AFG1L: variants seen among roughly 807,000 people sequenced by gnomAD.
AFG1L encodes AFG1-like ATPase.
In AFG1L, 53 loss-of-function variants were observed where a neutral mutation model predicts 62.2. The ratio of observed to expected loss-of-function variants is 0.85; its 90% CI spans 0.68 to 1.07. The LOEUF (loss-of-function observed/expected upper bound fraction) is 1.07. Among genes scored for constraint, AFG1L ranks in the 50% least tolerant of loss-of-function variants. The pLI, the probability that AFG1L is intolerant of heterozygous loss-of-function variation, is 0.00. For missense variants in AFG1L, 555 were observed against 590.5 expected (o/e 0.94, Z 0.62); for synonymous variants, 228 against 210.3 (o/e 1.08, Z -0.73).
At chr6:108,467,634 C>T (rs1205202109) in intron 8 of AFG1L, among the ~76,000 whole-genome samples, 2 of 152,166 alleles carry the variant, frequency 1.3e-5, no homozygotes, top group Non-Finnish European at 2.9e-5. Context: ...GTAGAGATCA[C>T]TTTTACATAT....
intron 3 of AFG1L, among the ~76,000 whole-genome samples, chr6:108,352,844 G>A (rs1217040629): frequency 6.6e-6 from 1 of 152,010 alleles, no homozygotes; most frequent in East Asian, 1.9e-4. Flanking sequence ...GGGATTATAG[G>A]TGTGAGCCAC....
chr6:108,397,445 C>A (rs546055226), intron 6 of AFG1L, among the ~76,000 whole-genome samples: 1 of 151,568 alleles, frequency 6.6e-6, no homozygotes, highest in African/African-American at 2.4e-5. Flanking sequence ...TTAGTAGAGA[C>A]GGGATTTCAC....
At chr6:108,320,280 C>G (rs1222738483) in intron 1 of AFG1L, among the ~76,000 whole-genome samples, 1 of 152,132 alleles carries the variant, frequency 6.6e-6, no homozygotes, top group African/African-American at 2.4e-5. Context: ...AGTGGGACAT[C>G]TTGAAGGGAG....
chr6:108,519,833 C>G (rs1562210143), intron 12 of AFG1L, 23 bp downstream of exon 12: 1 of 1,443,266 alleles, frequency 6.9e-7, no homozygotes, highest in Non-Finnish European at 9.6e-7. Flanking sequence ...AACATAATCT[C>G]TTTTTATTAT....
rs139715980 is a variant in AFG1L at position 108,372,182 on chromosome 6, CAT to C, written c.748+5852_748+5853del. On this transcript the variant is annotated intron_variant, in intron 6 of 12. Transcript: ENST00000368977. The stretch of plus-strand genomic sequence containing the variant: ...TTCATTTATTTCAAATATGTGATGA[CAT>C]AACTATAAAATTAACATTTGGTTAT... Among the ~76,000 whole-genome samples the C allele has an allele frequency of 9.8e-3, 1,486 of 151,498 alleles. 18 individuals carry two copies. The highest frequency in any genetic ancestry group is 0.033 in the African/African-American group (1,378 of 41,334).
intron 6 of AFG1L, among the ~76,000 whole-genome samples, chr6:108,384,704 AAAT>A (rs1780689828): frequency 6.6e-6 from 1 of 152,194 alleles, no homozygotes; most frequent in Non-Finnish European, 1.5e-5. Context: ...GAGGTAAAGA[AAAT>A]ATGTTCAGAA....
Position 108,402,051 on chromosome 6 carries a change from G to T in AFG1L, c.804G>T (p.Leu268Phe). Residue 268 changes from leucine (L) to phenylalanine (F), a missense_variant, in exon 7 of 13, where the codon TTG becomes TTT. Coordinates refer to ENST00000368977, the MANE Select transcript of AFG1L (RefSeq NM_145315.5). Reference sequence around the variant, plus strand: ...ACTTTGTACCATTCATAGCAGTCTTGAAGGTAAAAACAAATCATTTATTTG... The same window carrying T: ...ACTTTGTACCATTCATAGCAGTCTTTAAGGTAAAAACAAATCATTTATTTG... ...RANFVPFIAV[L>F]KEYCNTVQLD... 1 of 1,483,148 alleles carries T rather than the reference G, an allele frequency of 6.7e-7. No homozygotes were observed. Among genetic ancestry groups the T allele is most frequent in the Non-Finnish European group, 9.1e-7 (1 of 1,101,436 alleles). The allele number at this position is 1,483,148 out of a possible 1,614,324, so 91.9% of individuals were successfully genotyped here.
rs1260406764 is a variant in AFG1L, at chr6:108,510,330, T to C, written c.1181T>C (p.Ile394Thr). Residue 394 changes from isoleucine to threonine, a missense_variant, in exon 11 of 13, where the codon ATC becomes ACC. Physicochemically the swap from Ile to Thr is moderately conservative, Grantham distance 89. Transcript: ENST00000368977. ...RTQGRRFITL[I>T]DNFYDLKVRI... ...CAAGGTCGAAGATTCATAACTCTCA[T>C]CGATAACTTTTATGATCTCAAGGTA... is the stretch of plus-strand genomic sequence containing the variant. 1 of 1,610,772 alleles carries C rather than the reference T, an allele frequency of 6.2e-7. No individual in the cohort carries two copies. The highest frequency in any genetic ancestry group is 8.5e-7 in the Non-Finnish European group (1 of 1,178,994).
rs116292749 is a variant in AFG1L, at chr6:108,323,160, C to A, written c.140-665C>A. Among the ~76,000 whole-genome samples, 571 of 152,186 alleles carry A rather than the reference C, an allele frequency of 3.8e-3. 6 individuals carry two copies. Among genetic ancestry groups the A allele is most frequent in the African/African-American group, 0.013 (548 of 41,522 alleles). The stretch of plus-strand genomic sequence containing the variant: ...CGTCTTTGTCTTGGTGCTTAAGAAC[C>A]AGAATTAGGGTTTACTCAAAGAAAG... On this transcript the variant is annotated intron_variant, in intron 1 of 12. Coordinates refer to ENST00000368977, the MANE Select transcript of AFG1L (RefSeq NM_145315.5).
rs1256157691 is a variant in AFG1L at position 108,525,888 on chromosome 6, G to A, written c.*3463G>A. ...CTGCTTTATCTGAGATTAAAAACATGCAGAAGGATTGGGCGCCTGGGTCCC... is the reference window on the plus strand; with the variant it reads ...CTGCTTTATCTGAGATTAAAAACATACAGAAGGATTGGGCGCCTGGGTCCC... On this transcript the variant is annotated 3_prime_UTR_variant, in exon 13 of 13. Transcript: ENST00000368977. 6.6e-6 allele frequency: 1 copy of A among 152,200 alleles called. No homozygotes were observed. Among genetic ancestry groups the A allele is most frequent in the Non-Finnish European group, 1.5e-5 (1 of 68,028 alleles). 9.4% of individuals were successfully genotyped at this position (152,200 alleles called of 1,614,324 possible).
intron 6 of AFG1L, among the ~76,000 whole-genome samples, chr6:108,395,693 G>A (rs1272735161): frequency 6.6e-6 from 1 of 150,670 alleles, no homozygotes; most frequent in African/African-American, 2.4e-5. Context: ...GTGAGCCAGC[G>A]TGCTAGGTCT....
At chr6:108,395,770 G>A (rs1456715462) in intron 6 of AFG1L, among the ~76,000 whole-genome samples, 2 of 148,514 alleles carry the variant, frequency 1.3e-5, no homozygotes, top group Non-Finnish European at 3.0e-5. Flanking sequence ...TTGAGGGAGG[G>A]AGGGAGATAG....
chr6:108,330,903 G>A (rs539186907), intron 2 of AFG1L, among the ~76,000 whole-genome samples: 247 of 152,268 alleles, frequency 1.6e-3, no homozygotes, highest in African/African-American at 4.9e-3. Flanking sequence ...CAGATATTCT[G>A]TTATAAGCGA....
chr6:108,507,029 GA>G (rs1303966540), intron 10 of AFG1L, among the ~76,000 whole-genome samples: 14 of 151,866 alleles, frequency 9.2e-5, no homozygotes, highest in African/African-American at 2.2e-4. Context: ...TTTTTGGGGG[GA>G]AAAAACTTCC....
rs919690969 is a variant in AFG1L, at chr6:108,378,989, T to TTC, written c.748+12660_748+12661dup. On this transcript the variant is annotated intron_variant, in intron 6 of 12. Coordinates refer to ENST00000368977, the MANE Select transcript of AFG1L (RefSeq NM_145315.5). ...TATGCTGCTGCTGCTGCTCTTCTCC[T>TTC]TCTCCTTCTTCTTTTTTTTTTTTTT... Among the ~76,000 whole-genome samples the TTC allele has an allele frequency of 7.8e-4, 116 of 149,480 alleles. 1 individual carries two copies. Among genetic ancestry groups the TTC allele is most frequent in the African/African-American group, 2.8e-3 (112 of 40,562 alleles).
chr6:108,385,668 G>A (rs775299314), intron 6 of AFG1L, among the ~76,000 whole-genome samples: 10 of 152,142 alleles, frequency 6.6e-5, no homozygotes, highest in South Asian at 2.1e-4. Flanking sequence ...GCGCCGCTGG[G>A]TTAGGGTCTC....
At chr6:108,365,484 T>TG (rs1308405560) in intron 5 of AFG1L, among the ~76,000 whole-genome samples, 28 of 78,716 alleles carry the variant, frequency 3.6e-4, no homozygotes, top group Admixed American at 1.8e-3. Flanking sequence ...TGAAAGGTGG[T>TG]TTTTTTTGTT....
intron 10 of AFG1L, among the ~76,000 whole-genome samples, chr6:108,505,327 C>T (rs1233640117): frequency 6.6e-6 from 1 of 152,060 alleles, no homozygotes; most frequent in Non-Finnish European, 1.5e-5. Flanking sequence ...CTCCTGACCT[C>T]GTGTTCCACT....
rs1554198358 is a variant in AFG1L, at chr6:108,441,712, AAT to A, written c.808-5484_808-5483del. 5.3e-3 allele frequency among the ~76,000 whole-genome samples: 738 copies of A among 139,462 alleles called. 10 individuals are homozygous for A. The highest frequency in any genetic ancestry group is 0.018 in the African/African-American group (626 of 35,416). 91.5% of individuals were successfully genotyped at this position (139,462 alleles called of 152,430 possible). On this transcript the variant is annotated intron_variant, in intron 7 of 12. Coordinates refer to ENST00000368977, the MANE Select transcript of AFG1L (RefSeq NM_145315.5). ...ATCTGAGGTTTATTTAAAAAAAAAA[AAT>A]ATATATATATATATATAAACTGAGT...
Sources: allele counts gnomAD v4.1 joint callset (sites outside exome capture counted in the v4.1 genomes callset), GRCh38; gene constraint gnomAD v4.1.1; transcripts MANE v1.5; gene names NCBI Gene and HGNC (gene_info 2026-07-23, HGNC 2026-07-21).